The following AGO4 variants were observed in gnomAD, a reference collection of about 807,000 sequenced individuals.
AGO4 encodes the protein protein argonaute-4.
A neutral mutation model predicts 104.7 loss-of-function variants in AGO4; 33 were observed. The ratio of observed to expected loss-of-function variants is 0.32; its 90% CI spans 0.24 to 0.42. The LOEUF is 0.42. AGO4 is among the 10% of genes least tolerant of loss of function. AGO4 has a pLI of 1.00. For synonymous variants in AGO4, 331 were observed against 364.7 expected (o/e 0.91, Z 1.05); for missense variants, 711 against 1,083.4 (o/e 0.66, Z 4.83).
In AGO4 at chr1:35,856,267, T is replaced by C. The variant is rs528589735; in HGVS notation, c.*2662T>C. 1 of 152,318 alleles carries C rather than the reference T, an allele frequency of 6.6e-6. No individual in the cohort carries two copies. Among genetic ancestry groups the C allele is most frequent in the South Asian group, 2.1e-4 (1 of 4,828 alleles). The allele number at this position is 152,318 out of a possible 1,614,324, so 9.4% of individuals were successfully genotyped here. On this transcript the variant is annotated 3_prime_UTR_variant, in exon 18 of 18. Transcript: ENST00000373210. ...ATCTTTAGAGCTAATCACTGCAGAA[T>C]CAGAGTTGCAGCAATATGATTGCAA...
intron 17 of AGO4, among the ~76,000 whole-genome samples, chr1:35,852,757 G>C (rs1644732072): frequency 6.6e-6 from 1 of 152,026 alleles, no homozygotes; most frequent in Non-Finnish European, 1.5e-5. Flanking sequence ...AAAAATATAG[G>C]ATTCTGTTAA....
At chr1:35,814,779 A>G (rs1188239438) in intron 1 of AGO4, among the ~76,000 whole-genome samples, 1 of 152,140 alleles carries the variant, frequency 6.6e-6, no homozygotes, top group Non-Finnish European at 1.5e-5. Context: ...ATGTAAAATG[A>G]TTTTTAATAC....
intron 3 of AGO4, among the ~76,000 whole-genome samples, chr1:35,824,441 A>C (rs1156984606): frequency 6.6e-6 from 1 of 151,238 alleles, no homozygotes; most frequent in Non-Finnish European, 1.5e-5. Flanking sequence ...ATTTATATCT[A>C]CCTTATTATT....
chr1:35,842,463 C>T (rs1644468194), intron 15 of AGO4, among the ~76,000 whole-genome samples: 1 of 152,332 alleles, frequency 6.6e-6, no homozygotes, highest in South Asian at 2.1e-4. Context: ...AGTCAAATTA[C>T]TCAACTTCTC....
rs1644819005 is a variant in AGO4 at position 35,856,497 on chromosome 1, AAATGTAGC to A, written c.*2895_*2902del. ...CACTGTCATGTGGTGTGAAAGATTT[AAATGTAGC>A]AACGCTAAAGAGTAATAATTTGGGG... On this transcript the variant is annotated 3_prime_UTR_variant, in exon 18 of 18. Transcript: ENST00000373210. 6.6e-6 allele frequency: 1 copy of A among 152,168 alleles called. No homozygotes were observed. The highest frequency in any genetic ancestry group is 2.4e-5 in the African/African-American group (1 of 41,438). The allele number at this position is 152,168 out of a possible 1,614,324, so 9.4% of individuals were successfully genotyped here. A position where few individuals can be genotyped will look rare whatever the true frequency, so the allele number is the denominator to read the frequency against.
At chr1:35,837,995 G>A (rs971331906) in intron 13 of AGO4, among the ~76,000 whole-genome samples, 6 of 151,728 alleles carry the variant, frequency 4.0e-5, no homozygotes, top group South Asian at 2.1e-4. Context: ...CGATTCTCCC[G>A]CTTTAGTCTC....
intron 2 of AGO4, among the ~76,000 whole-genome samples, chr1:35,817,664 T>A (rs1345782691): frequency 2.6e-5 from 4 of 152,206 alleles, no homozygotes; most frequent in African/African-American, 4.8e-5. Context: ...CACTTTTGTT[T>A]TCTCTGTTTC....
intron 17 of AGO4, 118 bp from the exon 18 acceptor site, chr1:35,853,379 C>G (rs572755363): frequency 8.9e-6 from 6 of 676,362 alleles, no homozygotes; most frequent in Non-Finnish European, 1.5e-5. Context: ...CTATTTGAAA[C>G]GTGTGAAGTT....
In AGO4 at chr1:35,855,038, G is replaced by GA. The variant is rs1476297378; in HGVS notation, c.*1437dup. On this transcript the variant is annotated 3_prime_UTR_variant, in exon 18 of 18. Transcript: ENST00000373210. ...AGCGAGCATCAGTTAAAATGTAGGG[G>GA]AAAATGTATTCTGTATGTAGTGTAG... The GA allele has an allele frequency of 2.6e-5, 4 of 152,594 alleles. No individual in the cohort carries two copies. Among genetic ancestry groups the GA allele is most frequent in the African/African-American group, 4.8e-5 (2 of 41,446 alleles). 9.5% of individuals were successfully genotyped at this position (152,594 alleles called of 1,614,324 possible).
At chr1:35,821,951 G>C (rs558987464) in intron 2 of AGO4, among the ~76,000 whole-genome samples, 1 of 151,358 alleles carries the variant, frequency 6.6e-6, no homozygotes, top group Non-Finnish European at 1.5e-5. Flanking sequence ...ACAGTGGAAC[G>C]ATCTCAGCTC....
chr1:35,817,024 A>G lies in AGO4; in HGVS notation c.162A>G (p.Glu54=), dbSNP rs1485316036. 2 of 1,611,032 alleles carry G rather than the reference A, an allele frequency of 1.2e-6. No homozygotes were observed. The highest frequency in any genetic ancestry group is 1.1e-5 in the South Asian group (1 of 90,562). ...VYHYDVDIKP[E]KRPRRVNREV... ...ACTATGATGTGGATATTAAGCCTGA[A>G]AAACGGCCTCGTAGAGTCAACAGGT... Residue 54 remains glutamate, a synonymous_variant, in exon 2 of 18, where the codon GAA becomes GAG. Coordinates refer to ENST00000373210, the MANE Select transcript of AGO4 (RefSeq NM_017629.4).
chr1:35,823,709 G>C (rs1177367690), intron 3 of AGO4, among the ~76,000 whole-genome samples: 3 of 151,990 alleles, frequency 2.0e-5, no homozygotes, highest in Non-Finnish European at 4.4e-5. Context: ...GGGATTACAG[G>C]CATGAGCCAC....
intron 15 of AGO4, among the ~76,000 whole-genome samples, chr1:35,848,354 T>G (rs910255532): frequency 2.6e-5 from 4 of 152,244 alleles, no homozygotes; most frequent in African/African-American, 4.8e-5. Context: ...TTTCAGCTCC[T>G]ACTTATAAGG....
chr1:35,845,263 T>C (rs1049378077), intron 15 of AGO4, among the ~76,000 whole-genome samples: 1 of 148,516 alleles, frequency 6.7e-6, no homozygotes, highest in Admixed American at 6.8e-5. Flanking sequence ...AGAGTTTCAC[T>C]CTGTCATGAT....
intron 1 of AGO4, among the ~76,000 whole-genome samples, chr1:35,810,681 A>G (rs931829808): frequency 6.6e-6 from 1 of 152,108 alleles, no homozygotes; most frequent in Non-Finnish European, 1.5e-5. Flanking sequence ...TAGGGTTTCA[A>G]AGGGTCAAGT....
chr1:35,811,494 A>G (rs573928129), intron 1 of AGO4, among the ~76,000 whole-genome samples: 1 of 151,620 alleles, frequency 6.6e-6, no homozygotes, highest in South Asian at 2.1e-4. Flanking sequence ...AAAACCAACC[A>G]CCTCAGGGAC....
rs955717698 is a variant in AGO4 at position 35,808,604 on chromosome 1, C to A, written c.19+169C>A. Among the ~76,000 whole-genome samples the A allele has an allele frequency of 1.3e-5, 2 of 151,982 alleles. No homozygotes were observed. The highest frequency in any genetic ancestry group is 3.9e-4 in the East Asian group (2 of 5,148). ...AGGGAGCTGACCCGGGCCTGGGGGG[C>A]GGTGACCGCGCCCCAGCCGGCCGTT... is the stretch of plus-strand genomic sequence containing the variant. On this transcript the variant is annotated intron_variant, in intron 1 of 17. Coordinates refer to ENST00000373210, the MANE Select transcript of AGO4 (RefSeq NM_017629.4). This position sits in a 1 kb window ranked among gnomAD's most constrained non-coding sequence, Gnocchi z 5.2.
chr1:35,812,845 G>A (rs1410299864), intron 1 of AGO4, among the ~76,000 whole-genome samples: 1 of 152,078 alleles, frequency 6.6e-6, no homozygotes, highest in East Asian at 1.9e-4. Context: ...GCCCGCTTCA[G>A]CCTTCCAAAG....
Position 35,808,546 on chromosome 1 carries a change from G to C in AGO4, c.19+111G>C, listed in dbSNP as rs1643377620. On this transcript the variant is annotated intron_variant, in intron 1 of 17. Transcript: ENST00000373210. This position sits in a 1 kb window ranked among gnomAD's most constrained non-coding sequence, Gnocchi z 5.2. Reference sequence around the variant, plus strand: ...CCGGGTTCGGGCCGCCAGGCCTCGGGGAAGGGGACCCGAGCCCCGCAGCAC... The same window carrying C: ...CCGGGTTCGGGCCGCCAGGCCTCGGCGAAGGGGACCCGAGCCCCGCAGCAC... 1.0e-6 allele frequency: 1 copy of C among 997,954 alleles called. No homozygotes were observed. Among genetic ancestry groups the C allele is most frequent in the Non-Finnish European group, 1.2e-6 (1 of 803,504 alleles). 61.8% of individuals were successfully genotyped at this position (997,954 alleles called of 1,614,324 possible).
Sources: gnomAD v4.1 joint callset for allele counts (sites outside exome capture counted in the v4.1 genomes callset) on GRCh38, gnomAD v4.1.1 for gene constraint, Gnocchi (gnomAD v3.1) non-coding constraint, MANE v1.5 for transcripts, NCBI Gene and HGNC (gene_info 2026-07-23, HGNC 2026-07-21) for gene names.